NCKAP1: variants seen among roughly 807,000 people sequenced by gnomAD.
The protein encoded by NCKAP1 is nck-associated protein 1.
A neutral mutation model predicts 151.2 loss-of-function variants in NCKAP1; 21 were observed. That is an observed-to-expected ratio of 0.14 (90% CI 0.10 to 0.20). The LOEUF (loss-of-function observed/expected upper bound fraction) is 0.20, where lower values mean the gene tolerates loss of function less well. Ranked by LOEUF, NCKAP1 falls within the 10% of genes least tolerant of loss-of-function variation. NCKAP1 has a pLI of 1.00. For missense variants in NCKAP1, 933 were observed against 1,352.1 expected (o/e 0.69, Z 4.86); for synonymous variants, 484 against 451.8 (o/e 1.07, Z -0.90).
At chr2:182,930,852 G>T in intron 26 of NCKAP1, 64 bp from the exon 27 acceptor site, 1 of 1,371,564 alleles carries the variant, frequency 7.3e-7, no homozygotes, top group Non-Finnish European at 1.0e-6. Context: ...AAAGCTCACT[G>T]TTTATTAGAG....
intron 23 of NCKAP1, 109 bp downstream of exon 23, chr2:182,952,296 C>T (rs1697230959): frequency 1.5e-6 from 1 of 646,164 alleles, no homozygotes; most frequent in Non-Finnish European, 2.5e-6. Context: ...CATATTAGTA[C>T]TTTCATGTTG....
intron 26 of NCKAP1, 70 bp from the exon 27 acceptor site, chr2:182,930,858 T>C: frequency 7.4e-7 from 1 of 1,349,454 alleles, no homozygotes; most frequent in Non-Finnish European, 1.0e-6. Flanking sequence ...CACTGTTTAT[T>C]AGAGTCTGCC....
chr2:183,002,331 A>C (rs1423191035), intron 4 of NCKAP1, 62 bp from the exon 5 acceptor site: 4 of 1,147,534 alleles, frequency 3.5e-6, no homozygotes, highest in Non-Finnish European at 4.9e-6. Context: ...AACACACACA[A>C]AATCTTCATA....
At chr2:182,984,099 A>C (rs1173567420) in intron 10 of NCKAP1, among the ~76,000 whole-genome samples, 2 of 151,966 alleles carry the variant, frequency 1.3e-5, no homozygotes, top group East Asian at 1.9e-4. Context: ...TTCCATAAAG[A>C]AATTAATAAA....
chr2:183,038,064 C>T lies in NCKAP1; in HGVS notation c.36G>A (p.Lys12=), dbSNP rs755525628. The T allele has an allele frequency of 1.9e-6, 3 of 1,588,076 alleles. No homozygotes were observed. The highest frequency in any genetic ancestry group is 2.6e-6 in the Non-Finnish European group (3 of 1,174,204). ...TGAGGATGGTGAGCTTCTCCGCCAG[C>T]TTCTGCTGACTGGGCTGCAGCACTG... ...SRSVLQPSQQ[K]LAEKLTILND... is the part of the protein sequence containing the mutation. Residue 12 remains lysine, a synonymous_variant, in exon 1 of 31, where the codon AAG becomes AAA. Transcript: ENST00000361354.
intron 15 of NCKAP1, among the ~76,000 whole-genome samples, chr2:182,972,101 A>G (rs1282993337): frequency 6.6e-6 from 1 of 152,040 alleles, no homozygotes; most frequent in Non-Finnish European, 1.5e-5. Context: ...CCTGCACAAC[A>G]AAGAAGGAAA....
At chr2:182,942,032 T>C (rs374943438) in intron 24 of NCKAP1, 38 bp downstream of exon 24, 36 of 1,508,436 alleles carry the variant, frequency 2.4e-5, no homozygotes, top group Non-Finnish European at 3.3e-5. Context: ...AGTATCAAGA[T>C]CTTCTTATGT....
At chr2:182,997,026 T>G (rs1334681687) in intron 6 of NCKAP1, among the ~76,000 whole-genome samples, 2 of 152,210 alleles carry the variant, frequency 1.3e-5, no homozygotes, top group South Asian at 2.1e-4. Flanking sequence ...TTTTCTAGTT[T>G]GTGTGTACAG....
chr2:182,995,368 A>C (rs1277198548), intron 7 of NCKAP1, among the ~76,000 whole-genome samples: 1 of 152,092 alleles, frequency 6.6e-6, no homozygotes, highest in Non-Finnish European at 1.5e-5. Context: ...TATAACAATG[A>C]TTTTGTCTAC....
At chr2:182,993,637 T>C (rs1392332293) in intron 8 of NCKAP1, among the ~76,000 whole-genome samples, 8 of 152,000 alleles carry the variant, frequency 5.3e-5, no homozygotes, top group Admixed American at 1.3e-4. Context: ...GAAAACCAAA[T>C]ACTACATGTT....
rs1698050381 is a variant in NCKAP1 at position 182,986,067 on chromosome 2, AC to A, written c.1004+103del. ...CATTGACTGAAAGTCCCCCTCTTCT[AC>A]TACCATATCTTGCATACTATTAATC... is the stretch of plus-strand genomic sequence containing the variant. On this transcript the variant is annotated intron_variant, in intron 10 of 30. Coordinates refer to ENST00000361354, the MANE Select transcript of NCKAP1 (RefSeq NM_013436.5). 6.9e-6 allele frequency: 7 copies of A among 1,019,196 alleles called. No individual in the cohort carries two copies. In the South Asian group the frequency reaches 1.0e-4, roughly 15 times the overall value. 63.1% of individuals were successfully genotyped at this position (1,019,196 alleles called of 1,614,324 possible).
At chr2:182,969,622 C>T (rs1044000513) in intron 15 of NCKAP1, among the ~76,000 whole-genome samples, 2 of 151,264 alleles carry the variant, frequency 1.3e-5, no homozygotes, top group Non-Finnish European at 3.0e-5. Context: ...CACGATATAC[C>T]AAAACCTATG....
chr2:182,929,148 G>A (rs1402699366), intron 27 of NCKAP1, among the ~76,000 whole-genome samples: 2 of 151,750 alleles, frequency 1.3e-5, no homozygotes, highest in Non-Finnish European at 2.9e-5. Context: ...TGATAAAACA[G>A]TAAGGTAAGA....
At chr2:183,024,530 A>G (rs1336289164) in intron 1 of NCKAP1, among the ~76,000 whole-genome samples, 1 of 152,250 alleles carries the variant, frequency 6.6e-6, no homozygotes, top group African/African-American at 2.4e-5. Context: ...TCATAAGCAC[A>G]GAACAAATGG....
At chr2:182,929,135 G>A (rs1467989514) in intron 27 of NCKAP1, among the ~76,000 whole-genome samples, 5 of 151,580 alleles carry the variant, frequency 3.3e-5, no homozygotes, top group South Asian at 2.1e-4. Flanking sequence ...TTTCAAGGAC[G>A]TCTGATAAAA....
chr2:182,989,714 T>A (rs898115835), intron 8 of NCKAP1, among the ~76,000 whole-genome samples: 18 of 146,286 alleles, frequency 1.2e-4, no homozygotes, highest in Admixed American at 2.0e-4. Flanking sequence ...TCAAAAAAAA[T>A]TTTTTTTTAA....
At chr2:182,976,507 G>A (rs1395461348) in intron 15 of NCKAP1, among the ~76,000 whole-genome samples, 1 of 152,170 alleles carries the variant, frequency 6.6e-6, no homozygotes, top group East Asian at 1.9e-4. Context: ...CTATATGGCT[G>A]CAAGCCTAAA....
chr2:182,952,773 T>G lies in NCKAP1; in HGVS notation c.2503+20A>C, dbSNP rs774057976. 11 of 1,561,442 alleles carry G rather than the reference T, an allele frequency of 7.0e-6. No individual in the cohort carries two copies. The highest frequency in any genetic ancestry group is 4.1e-5 in the Admixed American group (2 of 48,444). On this transcript the variant is annotated intron_variant, in intron 22 of 30. Coordinates refer to ENST00000361354, the MANE Select transcript of NCKAP1 (RefSeq NM_013436.5). ...ATTAAGTGTTCTTCATTCTCTAAAC[T>G]GTGGTATAGTACTATTCACCTGATA...
chr2:182,910,728 C>T lies in NCKAP1; in HGVS notation c.*14974G>A, dbSNP rs1363904483. 2 of 152,164 alleles carry T rather than the reference C, an allele frequency of 1.3e-5. No homozygotes were observed. The highest frequency in any genetic ancestry group is 4.8e-5 in the African/African-American group (2 of 41,428). 9.4% of individuals were successfully genotyped at this position (152,164 alleles called of 1,614,324 possible). On this transcript the variant is annotated 3_prime_UTR_variant, in exon 31 of 31. Transcript: ENST00000361354. ...CCTCATAGGTCATGCATCCTCAAAA[C>T]CTTTTCTTCTAGGAAATTCCTGGCA... is the stretch of plus-strand genomic sequence containing the variant.
Sources: allele counts gnomAD v4.1 joint callset (sites outside exome capture counted in the v4.1 genomes callset), GRCh38; gene constraint gnomAD v4.1.1; transcripts MANE v1.5; gene names NCBI Gene and HGNC (gene_info 2026-07-23, HGNC 2026-07-21).